The following ACSS1 variants were observed in gnomAD, a reference collection of about 807,000 sequenced individuals.
The protein encoded by ACSS1 is acyl-CoA synthetase short chain family member 1.
ACSS1 carries 42 observed loss-of-function variants against 75.3 expected under a neutral mutation model. The ratio of observed to expected loss-of-function variants is 0.56; its 90% CI spans 0.44 to 0.72. ACSS1 has a LOEUF of 0.72. ACSS1 is among the 30% of genes least tolerant of loss of function. The pLI, the probability that ACSS1 is intolerant of heterozygous loss-of-function variation, is 0.00. For synonymous variants in ACSS1, 380 were observed against 376.8 expected (o/e 1.01, Z -0.10); for missense variants, 782 against 935.7 (o/e 0.84, Z 2.14).
intron 2 of ACSS1, among the ~76,000 whole-genome samples, chr20:25,032,136 C>T (rs897200157): frequency 1.3e-5 from 2 of 152,174 alleles, no homozygotes; most frequent in Admixed American, 6.5e-5. Flanking sequence ...TGAGCAGCAC[C>T]CCCGCCCAGC....
chr20:25,010,052 T>G (rs1176026401), intron 12 of ACSS1: 1 of 152,504 alleles, frequency 6.6e-6, no homozygotes, highest in African/African-American at 2.4e-5. Flanking sequence ...GAGTTCACAC[T>G]GTGAAGAGGG....
rs376654873 is a variant in ACSS1, at chr20:25,024,518, T to C, written c.632-877A>G. ...CCACATCCCTTGGGCCTTTCAGTCATTCTGCACCAAAGGCCTCTTGCAGAG... is the reference window on the plus strand; with the variant it reads ...CCACATCCCTTGGGCCTTTCAGTCACTCTGCACCAAAGGCCTCTTGCAGAG... On this transcript the variant is annotated intron_variant, in intron 3 of 13. Coordinates refer to ENST00000323482, the MANE Select transcript of ACSS1 (RefSeq NM_032501.4). 3.2e-4 allele frequency among the ~76,000 whole-genome samples: 49 copies of C among 152,334 alleles called. 2 individuals carry two copies. The highest frequency in any genetic ancestry group is 1.2e-3 in the African/African-American group (49 of 41,572).
intron 2 of ACSS1, among the ~76,000 whole-genome samples, chr20:25,045,485 A>G (rs1322912515): frequency 6.6e-6 from 1 of 152,210 alleles, no homozygotes; most frequent in Non-Finnish European, 1.5e-5. Flanking sequence ...ATTGTAACAC[A>G]CAGACTTCCT....
At chr20:25,056,668 G>A (rs376385288) in intron 1 of ACSS1, among the ~76,000 whole-genome samples, 7 of 152,284 alleles carry the variant, frequency 4.6e-5, no homozygotes, top group African/African-American at 1.2e-4. Flanking sequence ...GGGCTGGGGG[G>A]GCAGAACAAC....
At position 25,013,698 on chromosome 20, in the gene ACSS1, G is replaced by A. The variant is rs1276849750; in HGVS notation, c.1453-36C>T. The A allele has an allele frequency of 3.2e-6, 5 of 1,573,444 alleles. No homozygotes were observed. The East Asian group carries it at 6.8e-5, about 21-fold the overall frequency. ...CGGACATGCAAGTGAGACAGGGCAG[G>A]CTCTGGGTGAGAAGTGTGCCAAAAA... On this transcript the variant is annotated intron_variant, in intron 9 of 13. Transcript: ENST00000323482.
In ACSS1 at chr20:25,020,012, G is replaced by A. The variant is rs141580247; in HGVS notation, c.1244C>T (p.Ser415Leu). Residue 415 changes from serine (S) to leucine (L), a missense_variant and splice_region_variant, in exon 7 of 14, where the codon TCA becomes TTA. Around this residue, in one of 2 missense-constraint regions of ACSS1, gnomAD observed 405 missense variants for 552.6 expected, o/e 0.73. Coordinates refer to ENST00000323482, the MANE Select transcript of ACSS1 (RefSeq NM_032501.4). ...CTGCTGCAGGGCAGGCCGCTCACCT[G>A]ACCCCAGGGTCCGCAGGGAGGAGCG... ...YDRSSLRTLG[S>L]VGEPINCEAW... The A allele has an allele frequency of 1.2e-6, 2 of 1,614,088 alleles. No homozygotes were observed. The highest frequency in any genetic ancestry group is 1.3e-5 in the African/African-American group (1 of 74,940).
intron 2 of ACSS1, among the ~76,000 whole-genome samples, chr20:25,031,979 T>G (rs944945000): frequency 1.3e-5 from 2 of 152,086 alleles, no homozygotes; most frequent in Admixed American, 6.6e-5. Context: ...AAAGCCACAG[T>G]GAGTTGGGAG....
At chr20:25,047,985 C>G in intron 2 of ACSS1, 100 bp downstream of exon 2, 1 of 1,020,398 alleles carries the variant, frequency 9.8e-7, no homozygotes. Context: ...CCAAAATGCA[C>G]TCCCTGAGAC....
At chr20:25,032,769 T>C (rs2122695214) in intron 2 of ACSS1, 2 of 960,238 alleles carry the variant, frequency 2.1e-6, no homozygotes, top group Middle Eastern at 4.7e-4. Context: ...AAATGAGCTG[T>C]CCGCATCACA....
intron 2 of ACSS1, chr20:25,046,994 G>A (rs6106989): frequency 0.6 from 457,440 of 761,296 alleles, 140,402 homozygotes; most frequent in East Asian, 0.75. Flanking sequence ...CCTGGGGGCC[G>A]AGGGGAGGAA....
rs1485973360 is a variant in ACSS1, at chr20:25,030,784, C to T, written c.606G>A (p.Glu202=). Residue 202 remains glutamate, a synonymous_variant, in exon 3 of 14, where the codon GAG becomes GAA. Coordinates refer to ENST00000323482, the MANE Select transcript of ACSS1 (RefSeq NM_032501.4). The stretch of plus-strand genomic sequence containing the variant: ...CATCATTGATCCTCCCAGCCAAGGA[C>T]TCTGCACTGAAGCCAGCAAAGATGA... ...HTVIFAGFSA[E]SLAGRINDAK... 2 of 1,614,250 alleles carry T rather than the reference C, an allele frequency of 1.2e-6. No homozygotes were observed. Among genetic ancestry groups the T allele is most frequent in the Admixed American group, 1.7e-5 (1 of 60,036 alleles).
intron 2 of ACSS1, among the ~76,000 whole-genome samples, chr20:25,033,072 G>A (rs1297058406): frequency 6.6e-6 from 1 of 152,184 alleles, no homozygotes; most frequent in Non-Finnish European, 1.5e-5. Flanking sequence ...CAGAATCTAG[G>A]GCTCAGAAAC....
intron 1 of ACSS1, among the ~76,000 whole-genome samples, chr20:25,057,361 C>A (rs981262561): frequency 2.6e-5 from 4 of 152,242 alleles, no homozygotes; most frequent in African/African-American, 7.2e-5. Context: ...TTTCCCTCCA[C>A]CCCGGTATGG....
At chr20:25,020,187 A>T (rs746713732) in intron 6 of ACSS1, 40 bp from the exon 7 acceptor site, 2 of 1,612,714 alleles carry the variant, frequency 1.2e-6, no homozygotes, top group East Asian at 2.2e-5. Context: ...AGGAGAGCTG[A>T]CATGGTTTAC....
intron 2 of ACSS1, among the ~76,000 whole-genome samples, chr20:25,041,257 C>CAA (rs11474894): frequency 6.8e-5 from 8 of 117,558 alleles, no homozygotes; most frequent in African/African-American, 9.4e-5. Flanking sequence ...GACTCCGTCT[C>CAA]AAAAAAAAAA....
At chr20:25,055,216 T>G (rs2089225731) in intron 1 of ACSS1, among the ~76,000 whole-genome samples, 1 of 152,260 alleles carries the variant, frequency 6.6e-6, no homozygotes, top group South Asian at 2.1e-4. Context: ...TCACAGACTC[T>G]GCGAGGAATA....
chr20:25,048,410 G>T (rs2089130542), intron 1 of ACSS1, among the ~76,000 whole-genome samples: 1 of 152,140 alleles, frequency 6.6e-6, no homozygotes, highest in Non-Finnish European at 1.5e-5. Context: ...TGAAGTGGTT[G>T]CTTCACACCA....
rs749513175 is a variant in ACSS1 at position 25,030,923 on chromosome 20, G to C, written c.467C>G (p.Thr156Arg). 6.2e-7 allele frequency: 1 copy of C among 1,614,200 alleles called. No individual in the cohort carries two copies. Among genetic ancestry groups the C allele is most frequent in the Non-Finnish European group, 8.5e-7 (1 of 1,180,038 alleles). The change falls in exon 3 of 14, where the codon ACG becomes AGG. Residue 156 changes from threonine to arginine, a missense_variant. Thr to Arg is a moderately conservative substitution (Grantham distance 71). Coordinates refer to ENST00000323482, the MANE Select transcript of ACSS1 (RefSeq NM_032501.4). ...LLETTCRLAN[T>R]LKRHGVHRGD... ...ACGGTGGACTCCATGCCTCTTCAGC[G>C]TGTTGGCCAGGCGGCACGTGGTCTC... is the stretch of plus-strand genomic sequence containing the variant.
chr20:25,021,364 C>G, intron 6 of ACSS1, 25 bp downstream of exon 6: 6 of 1,611,022 alleles, frequency 3.7e-6, no homozygotes, highest in Non-Finnish European at 5.1e-6. Context: ...AGCATGGGGT[C>G]CCAAACAGGG....
Sources: allele counts gnomAD v4.1 joint callset (sites outside exome capture counted in the v4.1 genomes callset), GRCh38; gene constraint gnomAD v4.1.1; regional missense constraint gnomAD v4.1.1; transcripts MANE v1.5; gene names NCBI Gene and HGNC (gene_info 2026-07-23, HGNC 2026-07-21).